Variants in ESYT3 observed in about 807,000 individuals in gnomAD.
ESYT3 encodes extended synaptotagmin-3.
ESYT3 carries 101 observed loss-of-function variants against 111.5 expected under a neutral mutation model. The ratio of observed to expected loss-of-function variants is 0.91; its 90% confidence interval spans 0.77 to 1.07. The LOEUF (loss-of-function observed/expected upper bound fraction) is 1.07. Ranked by LOEUF, ESYT3 falls within the 50% of genes least tolerant of loss-of-function variation. The probability of loss-of-function intolerance (pLI) is 0.00; values close to 1 mark genes in which losing one functional copy is unlikely to be tolerated. For missense variants in ESYT3, 1,097 were observed against 1,109.4 expected, an observed-to-expected ratio of 0.99 and a Z score of 0.16; for synonymous variants, 416 against 446.8, an observed-to-expected ratio of 0.93 and a Z score of 0.87.
chr3:138,451,966 G>C (rs1415129653), intron 1 of ESYT3, 82 bp from the exon 2 acceptor site: 1 of 1,518,260 alleles, frequency 6.6e-7, no homozygotes, highest in East Asian at 2.3e-5. Flanking sequence ...GGGCGGAATG[G>C]GAAGCCCGCC....
At chr3:138,456,341 G>T (rs1222407917) in intron 3 of ESYT3, among the ~76,000 whole-genome samples, 2 of 152,268 alleles carry the variant, frequency 1.3e-5, no homozygotes, top group Non-Finnish European at 2.9e-5. Context: ...CATGATGGCA[G>T]AGGAATGCAA....
intron 1 of ESYT3, among the ~76,000 whole-genome samples, chr3:138,442,948 A>G (rs1336127845): frequency 6.6e-6 from 1 of 152,218 alleles, no homozygotes; most frequent in African/African-American, 2.4e-5. Flanking sequence ...AAGCAAGAGG[A>G]TAAGTTTTTT....
chr3:138,465,304 T>G (rs1378705678), intron 9 of ESYT3, 35 bp from the exon 10 acceptor site: 1 of 1,504,016 alleles, frequency 6.6e-7, no homozygotes, highest in Non-Finnish European at 9.1e-7. Flanking sequence ...GGTCGACTGT[T>G]GCCTGCAGGT....
In ESYT3 at chr3:138,434,667, G is replaced by A; in HGVS notation, c.-132G>A. The A allele has an allele frequency of 1.2e-6, 1 of 817,662 alleles. No homozygotes were observed. Among genetic ancestry groups the A allele is most frequent in the East Asian group, 2.9e-5 (1 of 33,982 alleles). The allele number at this position is 817,662 out of a possible 1,614,324, so 50.7% of individuals were successfully genotyped here. ...CAGAGAACCCTGAGCTCGGCGCGCC[G>A]AGAGTCCCAGCAGGGCAAGGGGGCG... On this transcript the variant is annotated 5_prime_UTR_variant, in exon 1 of 23. Coordinates refer to ENST00000389567, the MANE Select transcript of ESYT3 (RefSeq NM_031913.5).
Position 138,460,593 on chromosome 3 carries a change from T to C in ESYT3, c.739-18T>C, listed in dbSNP as rs752138104. ...TCCCAACCCTTTCCAGCCTAATAGC[T>C]TCCCTCTGCCCCTGAAGCACCTACA... is the stretch of plus-strand genomic sequence containing the variant. On this transcript the variant is annotated intron_variant, in intron 6 of 22. Transcript: ENST00000389567. 1 of 1,613,770 alleles carries C rather than the reference T, an allele frequency of 6.2e-7. No homozygotes were observed. Among genetic ancestry groups the C allele is most frequent in the Non-Finnish European group, 8.5e-7 (1 of 1,179,726 alleles).
chr3:138,447,657 A>G (rs1363578601), intron 1 of ESYT3, among the ~76,000 whole-genome samples: 2 of 152,266 alleles, frequency 1.3e-5, no homozygotes, highest in Non-Finnish European at 2.9e-5. Flanking sequence ...AATTAGAACT[A>G]TTAACAAATT....
intron 6 of ESYT3, 63 bp downstream of exon 6, chr3:138,460,097 C>G: frequency 2.0e-6 from 3 of 1,470,006 alleles, no homozygotes; most frequent in Non-Finnish European, 2.8e-6. Flanking sequence ...TCTGCTGGGC[C>G]CTAGACATTG....
intron 20 of ESYT3, among the ~76,000 whole-genome samples, chr3:138,475,525 C>CCTAA (rs1255594191): frequency 5.3e-5 from 8 of 152,132 alleles, no homozygotes; most frequent in African/African-American, 1.9e-4. Flanking sequence ...CTGTAGCAAA[C>CCTAA]CTAACTGCTC....
chr3:138,474,133 A>G, intron 19 of ESYT3, 88 bp from the exon 20 acceptor site: 1 of 1,527,362 alleles, frequency 6.5e-7, no homozygotes. Flanking sequence ...AGTGTTTGAA[A>G]CTCTCAAACA....
intron 17 of ESYT3, among the ~76,000 whole-genome samples, chr3:138,471,446 T>G (rs1288482757): frequency 6.6e-6 from 1 of 152,260 alleles, no homozygotes; most frequent in Admixed American, 6.5e-5. Context: ...TTTTCATTTC[T>G]ATTTTTATCT....
rs781175584 is a variant in ESYT3, at chr3:138,468,720, G to A, written c.1371+3G>A. On this transcript the variant is annotated splice_donor_region_variant and intron_variant, in intron 13 of 22. Transcript: ENST00000389567. ...TGGAGAGTGCCTGCAACTTGCCGGT[G>A]AGTGGCGACATGTCCAGAGTGTCAC... 2.5e-6 allele frequency: 4 copies of A among 1,614,040 alleles called. No homozygotes were observed. The African/African-American group carries it at 4.0e-5, about 16-fold the overall frequency.
chr3:138,462,305 T>C (rs1307835393), intron 8 of ESYT3, 99 bp downstream of exon 8: 7 of 1,514,438 alleles, frequency 4.6e-6, no homozygotes, highest in Non-Finnish European at 6.3e-6. Context: ...TTCACACTAA[T>C]GCTTGACAGT....
chr3:138,454,120 C>A lies in ESYT3; in HGVS notation c.370-1074C>A, dbSNP rs148782260. Among the ~76,000 whole-genome samples the A allele has an allele frequency of 1.6e-4, 25 of 152,308 alleles. No homozygotes were observed. The East Asian group carries it at 4.8e-3, about 29-fold the overall frequency. On this transcript the variant is annotated intron_variant, in intron 2 of 22. Coordinates refer to ENST00000389567, the MANE Select transcript of ESYT3 (RefSeq NM_031913.5). ...AAACATTAAAATGCGTGGTGGTGCA[C>A]GCATGTAGTCCCAGCCACCCAGGAG...
At chr3:138,456,477 T>A (rs1243405164) in intron 3 of ESYT3, among the ~76,000 whole-genome samples, 2 of 152,134 alleles carry the variant, frequency 1.3e-5, no homozygotes, top group Non-Finnish European at 2.9e-5. Flanking sequence ...GGTGCTGTGT[T>A]CACAGCAGAG....
At position 138,447,090 on chromosome 3, in the gene ESYT3, AAATCAAC is replaced by A. The variant is rs2031593221; in HGVS notation, c.328-4955_328-4949del. Among the ~76,000 whole-genome samples the A allele has an allele frequency of 2.7e-5, 4 of 149,618 alleles. No homozygotes were observed. The South Asian group carries it at 6.3e-4, about 24-fold the overall frequency. On this transcript the variant is annotated intron_variant, in intron 1 of 22. Transcript: ENST00000389567. ...ATTACAGAATATAAACTTGAAATATAAATCAACAACCGACATGAGGAAGTAGATAAAT... is the reference window on the plus strand; with the variant it reads ...ATTACAGAATATAAACTTGAAATATAAACCGACATGAGGAAGTAGATAAAT...
rs1354214329 is a variant in ESYT3, at chr3:138,455,256, T to G, written c.432T>G (p.Leu144=). The change falls in exon 3 of 23, where the codon CTT becomes CTG. Residue 144 remains leucine (L), a synonymous_variant. Transcript: ENST00000389567. The part of the protein sequence containing the change: ...MIMESKFREK[L]EPKIREKSIH... ...TGGAAAGCAAGTTCCGGGAGAAACT[T>G]GAGCCCAAGATCCGAGAGAAGAGCA... 6.2e-7 allele frequency: 1 copy of G among 1,614,004 alleles called. No individual in the cohort carries two copies. Among genetic ancestry groups the G allele is most frequent in the Non-Finnish European group, 8.5e-7 (1 of 1,180,026 alleles).
At position 138,479,691 on chromosome 3, in the gene ESYT3, G is replaced by T. The variant is rs1365363053; in HGVS notation, c.*2837G>T. 2 of 152,154 alleles carry T rather than the reference G, an allele frequency of 1.3e-5. No individual in the cohort carries two copies. The highest frequency in any genetic ancestry group is 4.8e-5 in the African/African-American group (2 of 41,418). The allele number at this position is 152,154 out of a possible 1,614,324, so 9.4% of individuals were successfully genotyped here. A position where few individuals can be genotyped will look rare whatever the true frequency, so the allele number is the denominator to read the frequency against. On this transcript the variant is annotated 3_prime_UTR_variant, in exon 23 of 23. Transcript: ENST00000389567. ...CATGGCCTTCATGTTTTATCAGCAGGCAACACCTTTTGGCAAGTTTCTTAG... is the reference window on the plus strand; with the variant it reads ...CATGGCCTTCATGTTTTATCAGCAGTCAACACCTTTTGGCAAGTTTCTTAG...
intron 1 of ESYT3, among the ~76,000 whole-genome samples, chr3:138,447,588 A>G (rs1043956321): frequency 5.3e-5 from 8 of 152,306 alleles, no homozygotes; most frequent in African/African-American, 1.9e-4. Flanking sequence ...AACTCTAAAA[A>G]CATAAAAGAG....
rs1171487569 is a variant in ESYT3 at position 138,462,188 on chromosome 3, G to A, written c.897G>A (p.Leu299=). 6.2e-7 allele frequency: 1 copy of A among 1,614,206 alleles called. No homozygotes were observed. The highest frequency in any genetic ancestry group is 8.5e-7 in the Non-Finnish European group (1 of 1,180,042). ...PVKKGLDLTN[L]RFPLPCGVIR... is the part of the protein sequence containing the mutation. The stretch of plus-strand genomic sequence containing the variant: ...AGAAGGGGCTGGATCTGACCAACCT[G>A]CGCTTCCCTCTGCCCTGTGTGAGTA... The change falls in exon 8 of 23, where the codon CTG becomes CTA. Residue 299 remains leucine, a synonymous_variant. Transcript: ENST00000389567.
Sources: allele counts gnomAD v4.1 joint callset (sites outside exome capture counted in the v4.1 genomes callset), GRCh38; gene constraint gnomAD v4.1.1; transcripts MANE v1.5; gene names NCBI Gene and HGNC (gene_info 2026-07-23, HGNC 2026-07-21).